UGT1A6: variants seen among roughly 807,000 people sequenced by gnomAD.
UGT1A6 encodes UDP-glucuronosyltransferase 1A6.
UGT1A6 carries 32 observed loss-of-function variants against 44.4 expected under a neutral mutation model. The ratio of observed to expected loss-of-function variants is 0.72; its 90% confidence interval spans 0.54 to 0.97. UGT1A6 has a LOEUF of 0.97. UGT1A6 is among the 50% of genes least tolerant of loss of function. The probability of loss-of-function intolerance (pLI) is 0.00; values close to 1 mark genes in which losing one functional copy is unlikely to be tolerated. For missense variants in UGT1A6, 685 were observed against 661.9 expected (o/e 1.03, Z -0.38); for synonymous variants, 238 against 248.5 (o/e 0.96, Z 0.40).
At position 233,744,023 on chromosome 2, in the gene UGT1A6, C is replaced by T. The variant is rs374542514; in HGVS notation, c.862-23011C>T. 1.7e-4 allele frequency: 161 copies of T among 963,346 alleles called. 1 individual carries two copies. In the Middle Eastern group the frequency reaches 2.6e-3, roughly 15 times the overall value. The allele number at this position is 963,346 out of a possible 1,614,324, so 59.7% of individuals were successfully genotyped here. On this transcript the variant is annotated intron_variant, in intron 1 of 4. Coordinates refer to ENST00000305139, the MANE Select transcript of UGT1A6 (RefSeq NM_001072.4). ...CGGAGACCTGGGCCGCCTGGAGAGA[C>T]GCCCCTTATGACGCAGCCACATCTC...
chr2:233,761,112 T>C (rs762490577), intron 1 of UGT1A6: 2 of 1,614,122 alleles, frequency 1.2e-6, no homozygotes, highest in Non-Finnish European at 1.7e-6. Flanking sequence ...TGGTTTTTGT[T>C]GGTGGAATCA....
intron 1 of UGT1A6, chr2:233,755,200 G>C: frequency 9.0e-7 from 1 of 1,105,698 alleles, no homozygotes; most frequent in Non-Finnish European, 1.3e-6. Context: ...GCCAGCTTGC[G>C]GTACGCCTTC....
At chr2:233,694,004 C>T in intron 1 of UGT1A6, 139 bp downstream of exon 1, 1 of 1,466,316 alleles carries the variant, frequency 6.8e-7, no homozygotes, top group Non-Finnish European at 9.2e-7. Flanking sequence ...CGGCTCGGAG[C>T]AGCGGGAACA....
At chr2:233,734,842 C>T (rs1375644897) in intron 1 of UGT1A6, among the ~76,000 whole-genome samples, 1 of 152,178 alleles carries the variant, frequency 6.6e-6, no homozygotes, top group Non-Finnish European at 1.5e-5. Flanking sequence ...GTTTCTTAAT[C>T]CAGAGTTCTA....
At chr2:233,747,840 A>T in intron 1 of UGT1A6, 1 of 1,613,552 alleles carries the variant, frequency 6.2e-7, no homozygotes, top group South Asian at 1.1e-5. Flanking sequence ...ATTCCTGCAA[A>T]GGGTCAAGAA....
intron 1 of UGT1A6, 27 bp from the exon 2 acceptor site, chr2:233,767,007 A>T: frequency 6.2e-7 from 1 of 1,613,842 alleles, no homozygotes; most frequent in Non-Finnish European, 8.5e-7. Flanking sequence ...AGAAAAAATT[A>T]ACTGAAAATT....
intron 1 of UGT1A6, chr2:233,747,131 T>C: frequency 6.5e-7 from 1 of 1,533,260 alleles, no homozygotes; most frequent in Non-Finnish European, 8.8e-7. Flanking sequence ...AGTGGCTCAG[T>C]GACAAGGTAA....
chr2:233,729,068 AG>A, intron 1 of UGT1A6: 1 of 1,611,394 alleles, frequency 6.2e-7, no homozygotes, highest in Non-Finnish European at 8.5e-7. Context: ...AGATGAAGAA[AG>A]CAAATGTAGC....
At chr2:233,735,658 T>C (rs948195085) in intron 1 of UGT1A6, among the ~76,000 whole-genome samples, 2 of 152,230 alleles carry the variant, frequency 1.3e-5, no homozygotes, top group African/African-American at 2.4e-5. Flanking sequence ...CTGGTGTTTC[T>C]TTCCATGTTT....
chr2:233,718,871 G>T (rs1468501233), intron 1 of UGT1A6: 1 of 1,613,900 alleles, frequency 6.2e-7, no homozygotes, highest in Admixed American at 1.7e-5. Context: ...CAGGACTGCT[G>T]CTCCTCCTCA....
chr2:233,738,188 G>T (rs543563413), intron 1 of UGT1A6, among the ~76,000 whole-genome samples: 6 of 152,088 alleles, frequency 3.9e-5, no homozygotes, highest in Non-Finnish European at 8.8e-5. Flanking sequence ...ACGTGTCTTT[G>T]CCTCTCTCTC....
At chr2:233,743,654 T>C in intron 1 of UGT1A6, 1 of 1,367,284 alleles carries the variant, frequency 7.3e-7, no homozygotes, top group Non-Finnish European at 9.8e-7. Context: ...GAAGACGTAC[T>C]CGAAGGGGTC....
At chr2:233,760,285 G>C (rs376515645) in intron 1 of UGT1A6, 1 of 1,612,934 alleles carries the variant, frequency 6.2e-7, no homozygotes, top group East Asian at 2.2e-5. Flanking sequence ...GAGCAAAGGC[G>C]CCATGGCTGT....
chr2:233,754,685 T>G (rs1172577930), intron 1 of UGT1A6: 1 of 484,648 alleles, frequency 2.1e-6, no homozygotes, highest in African/African-American at 2.0e-5. Context: ...CATCAACTAT[T>G]TCAGTGGAAG....
chr2:233,749,977 G>A (rs2221198), intron 1 of UGT1A6, among the ~76,000 whole-genome samples: 68,794 of 151,608 alleles, frequency 0.45, 16,248 homozygotes, highest in South Asian at 0.58. Flanking sequence ...ATAGCAGTGT[G>A]AGAATGGACT....
chr2:233,755,144 C>T (rs1040517387), intron 1 of UGT1A6: 11 of 1,304,848 alleles, frequency 8.4e-6, no homozygotes, highest in African/African-American at 7.5e-5. Flanking sequence ...ATCTTCTCAC[C>T]GCTTCCTCCC....
chr2:233,718,793 C>G (rs375687360), intron 1 of UGT1A6: 30 of 1,613,028 alleles, frequency 1.9e-5, no homozygotes, highest in South Asian at 4.4e-5. Flanking sequence ...GTGGGGTGGA[C>G]AGTCAGCTGT....
At chr2:233,744,776 C>T (rs1406230141) in intron 1 of UGT1A6, among the ~76,000 whole-genome samples, 1 of 151,874 alleles carries the variant, frequency 6.6e-6, no homozygotes, top group African/African-American at 2.4e-5. Context: ...TTGCAAAATT[C>T]TCCTGAAAAA....
intron 1 of UGT1A6, among the ~76,000 whole-genome samples, chr2:233,749,862 T>G (rs1409437282): frequency 1.3e-5 from 2 of 151,992 alleles, no homozygotes; most frequent in Non-Finnish European, 2.9e-5. Flanking sequence ...TCTCACTTTC[T>G]GCCAGGATTA....
Sources: gnomAD v4.1 joint callset for allele counts (sites outside exome capture counted in the v4.1 genomes callset) on GRCh38, gnomAD v4.1.1 for gene constraint, MANE v1.5 for transcripts, NCBI Gene and HGNC (gene_info 2026-07-23, HGNC 2026-07-21) for gene names.